The following COP1 variants were observed in gnomAD, a reference collection of about 807,000 sequenced individuals.
COP1 encodes the protein E3 ubiquitin-protein ligase COP1.
In COP1, 24 loss-of-function variants were observed where a neutral mutation model predicts 101.3. The ratio of observed to expected loss-of-function variants is 0.24; its 90% confidence interval spans 0.17 to 0.33. The LOEUF (loss-of-function observed/expected upper bound fraction) is 0.33. COP1 is among the 10% of genes least tolerant of loss of function. COP1 has a pLI of 1.00. For synonymous variants in COP1, 347 were observed against 341.9 expected (o/e 1.01, Z -0.17); for missense variants, 663 against 906.2 (o/e 0.73, Z 3.45).
At chr1:176,052,057 A>G (rs1409437972) in intron 11 of COP1, among the ~76,000 whole-genome samples, 1 of 152,218 alleles carries the variant, frequency 6.6e-6, no homozygotes, top group Non-Finnish European at 1.5e-5. Context: ...GTAATATCCT[A>G]GGCCTTTACA....
intron 15 of COP1, among the ~76,000 whole-genome samples, chr1:176,009,149 C>T (rs998941583): frequency 2.0e-5 from 3 of 152,226 alleles, no homozygotes; most frequent in Non-Finnish European, 4.4e-5. Flanking sequence ...GTTTTGTTGT[C>T]CAGATCTTTG....
chr1:176,010,409 C>A (rs1162051362), intron 15 of COP1, among the ~76,000 whole-genome samples: 1 of 152,156 alleles, frequency 6.6e-6, no homozygotes, highest in East Asian at 1.9e-4. Flanking sequence ...ACTAGTGGGT[C>A]ACTCATTGTA....
At chr1:176,087,227 G>C (rs993792227) in intron 9 of COP1, among the ~76,000 whole-genome samples, 2 of 152,164 alleles carry the variant, frequency 1.3e-5, no homozygotes, top group African/African-American at 4.8e-5. Flanking sequence ...AACACCAAAA[G>C]CAATGGCAAC....
At chr1:175,993,921 C>A (rs1489312565) in intron 15 of COP1, among the ~76,000 whole-genome samples, 2 of 152,102 alleles carry the variant, frequency 1.3e-5, no homozygotes, top group Non-Finnish European at 2.9e-5. Flanking sequence ...TCGAGAAGAG[C>A]AACTCCAAGA....
At position 176,089,937 on chromosome 1, in the gene COP1, C is replaced by T. The variant is rs146811678; in HGVS notation, c.1027-4047G>A. On this transcript the variant is annotated intron_variant, in intron 9 of 19. Coordinates refer to ENST00000367669, the MANE Select transcript of COP1 (RefSeq NM_022457.7). ...TTTTGCATCTGTATTAACATAACTA[C>T]ACCCTTCCCCTTCCAGGCCCTCCCA... 3.9e-4 allele frequency among the ~76,000 whole-genome samples: 59 copies of T among 152,272 alleles called. No homozygotes were observed. The East Asian group carries it at 9.5e-3, about 24-fold the overall frequency.
chr1:175,970,704 A>G (rs904911672), intron 18 of COP1, among the ~76,000 whole-genome samples: 1 of 152,204 alleles, frequency 6.6e-6, no homozygotes, highest in African/African-American at 2.4e-5. Flanking sequence ...AAGGGTAAAT[A>G]TAATTTTAAA....
chr1:175,955,229 T>C (rs1045228911), intron 18 of COP1, among the ~76,000 whole-genome samples: 6 of 151,832 alleles, frequency 4.0e-5, no homozygotes, highest in Non-Finnish European at 8.8e-5. Flanking sequence ...GTGACAGGAG[T>C]GAGACCCTGC....
chr1:176,194,659 A>G (rs1185055037), intron 1 of COP1, among the ~76,000 whole-genome samples: 3 of 152,072 alleles, frequency 2.0e-5, no homozygotes, highest in African/African-American at 7.2e-5. Context: ...CAACAAAGGC[A>G]GATTGTCATA....
intron 14 of COP1, among the ~76,000 whole-genome samples, chr1:176,037,424 GA>G (rs933916438): frequency 3.0e-4 from 40 of 133,916 alleles, no homozygotes; most frequent in East Asian, 1.7e-3. Flanking sequence ...AAAAGTATAA[GA>G]AAAAAAAAAA....
chr1:176,101,546 T>C (rs1049363309), intron 9 of COP1, among the ~76,000 whole-genome samples: 4 of 152,182 alleles, frequency 2.6e-5, no homozygotes, highest in Non-Finnish European at 5.9e-5. Context: ...CTTAAATTGG[T>C]TGGCTTAGGA....
chr1:175,952,763 A>G (rs952000974), intron 18 of COP1, among the ~76,000 whole-genome samples: 3 of 151,980 alleles, frequency 2.0e-5, no homozygotes, highest in African/African-American at 7.3e-5. Flanking sequence ...AAAAAAAAAC[A>G]TTAACCAGGC....
At chr1:176,122,802 G>T (rs372608244) in intron 8 of COP1, among the ~76,000 whole-genome samples, 2 of 152,254 alleles carry the variant, frequency 1.3e-5, no homozygotes, top group South Asian at 2.1e-4. Flanking sequence ...TTTGTAAGAG[G>T]AGTTTCCTTA....
intron 15 of COP1, among the ~76,000 whole-genome samples, chr1:175,996,780 T>C (rs947065030): frequency 2.6e-5 from 4 of 152,144 alleles, no homozygotes; most frequent in Admixed American, 6.5e-5. Context: ...CATTCCATGC[T>C]CATGGGTAGG....
At chr1:176,162,553 G>A (rs2149943489) in intron 5 of COP1, among the ~76,000 whole-genome samples, 1 of 152,264 alleles carries the variant, frequency 6.6e-6, no homozygotes, top group Admixed American at 6.5e-5. Context: ...AATATGGTAA[G>A]AAAGATACTC....
At chr1:176,071,530 G>GA (rs1558047987) in intron 11 of COP1, among the ~76,000 whole-genome samples, 2 of 151,988 alleles carry the variant, frequency 1.3e-5, no homozygotes, top group Admixed American at 1.3e-4. Flanking sequence ...GTATGATTTT[G>GA]AAAAAAATTA....
chr1:176,184,759 A>C, intron 1 of COP1, 67 bp from the exon 2 acceptor site: 2 of 1,072,930 alleles, frequency 1.9e-6, no homozygotes, highest in Non-Finnish European at 2.8e-6. Flanking sequence ...GGAAAAGACT[A>C]GTAACAATAC....
At position 176,006,035 on chromosome 1, in the gene COP1, T is replaced by C. The variant is rs181514804; in HGVS notation, c.1730-16556A>G. On this transcript the variant is annotated intron_variant, in intron 15 of 19. Transcript: ENST00000367669. ...TGCTTTATGAGTCTGGGTGCCCTTG[T>C]ATTGGGTGCATATATATTTAGGATA... Among the ~76,000 whole-genome samples, 399 of 152,356 alleles carry C rather than the reference T, an allele frequency of 2.6e-3. 3 individuals are homozygous for C. The highest frequency in any genetic ancestry group is 9.2e-3 in the African/African-American group (382 of 41,570).
intron 15 of COP1, among the ~76,000 whole-genome samples, chr1:176,023,736 A>AG (rs1206632815): frequency 1.8e-4 from 26 of 142,226 alleles, no homozygotes; most frequent in Non-Finnish European, 1.9e-4. Flanking sequence ...AAAAAAAAAA[A>AG]AAAGAAAAGA....
chr1:175,945,112 A>C lies in COP1; in HGVS notation c.*41T>G. ...TTCTCTCATTGTCAGCTGCAGATGT[A>C]TTTCAGCAGGATCAAGTACAATTTG... On this transcript the variant is annotated 3_prime_UTR_variant, in exon 20 of 20. Coordinates refer to ENST00000367669, the MANE Select transcript of COP1 (RefSeq NM_022457.7). The C allele has an allele frequency of 6.9e-7, 1 of 1,452,910 alleles. No homozygotes were observed. The highest frequency in any genetic ancestry group is 1.4e-5 in the African/African-American group (1 of 71,320). 90.0% of individuals were successfully genotyped at this position (1,452,910 alleles called of 1,614,324 possible). A position where few individuals can be genotyped will look rare whatever the true frequency, so the allele number is the denominator to read the frequency against.
Sources: allele counts gnomAD v4.1 joint callset (sites outside exome capture counted in the v4.1 genomes callset), GRCh38; gene constraint gnomAD v4.1.1; transcripts MANE v1.5; gene names NCBI Gene and HGNC (gene_info 2026-07-23, HGNC 2026-07-21).